The following MTFR1 variants were observed in gnomAD, a reference collection of about 807,000 sequenced individuals.
MTFR1 encodes chondrocyte protein with a poly-proline region.
Under a neutral mutation model 38.8 loss-of-function variants are expected in MTFR1, and 28 were observed. That is an observed-to-expected ratio of 0.72 (90% CI 0.53 to 0.99). MTFR1 has a LOEUF of 0.99. Ranked by LOEUF, MTFR1 falls within the 50% of genes least tolerant of loss-of-function variation. MTFR1 has a pLI of 0.00. For missense variants in MTFR1, 358 were observed against 395.5 expected (o/e 0.91, Z 0.81); for synonymous variants, 145 against 137.0 (o/e 1.06, Z -0.41).
At chr8:65,712,617 T>C (rs1353271821), downstream of MTFR1, among the ~76,000 whole-genome samples, 3 of 152,204 alleles carry the variant, frequency 2.0e-5, no homozygotes, top group Non-Finnish European at 2.9e-5. Flanking sequence ...AGACATGTTA[T>C]AGGTTAGGGA....
chr8:65,649,258 C>T (rs924394541), intron 1 of MTFR1, among the ~76,000 whole-genome samples: 1 of 151,862 alleles, frequency 6.6e-6, no homozygotes, highest in African/African-American at 2.4e-5. Flanking sequence ...GATCTCGGCT[C>T]ACTGCAACCT....
chr8:65,752,596 A>G (rs1438597970), intron 3 of MTFR1, among the ~76,000 whole-genome samples: 4 of 152,114 alleles, frequency 2.6e-5, no homozygotes, highest in Non-Finnish European at 4.4e-5. Context: ...TTTCTCTTTA[A>G]AGGCCAATTA....
Position 65,709,022 on chromosome 8 carries a change from T to A in MTFR1, c.980T>A (p.Ile327Asn), listed in dbSNP as rs1460885882. The change falls in exon 8 of 8, where the codon ATT becomes AAT. Residue 327 changes from isoleucine to asparagine, a missense_variant. By Grantham distance (149) the Ile-to-Asn change is moderately radical. Transcript: ENST00000262146. ...LKPTGKMKAL[I>N]ENVSDS is the part of the protein sequence containing the mutation. ...CCAACAGGAAAAATGAAGGCTTTAA[T>A]TGAAAATGTATCAGACTCCTAATAG... 2 of 1,613,914 alleles carry A rather than the reference T, an allele frequency of 1.2e-6. No homozygotes were observed. Among genetic ancestry groups the A allele is most frequent in the African/African-American group, 1.3e-5 (1 of 74,916 alleles).
At chr8:65,699,109 C>CG (rs1191695419) in intron 4 of MTFR1, among the ~76,000 whole-genome samples, 1 of 152,138 alleles carries the variant, frequency 6.6e-6, no homozygotes, top group Non-Finnish European at 1.5e-5. Context: ...TTTTCTGTTC[C>CG]TGTGTGAGTT....
In MTFR1 at chr8:65,745,564, T is replaced by C; in HGVS notation, c.*49-25383T>C. 1.3e-5 allele frequency: 9 copies of C among 699,818 alleles called. 1 individual carries two copies. In the South Asian group the frequency reaches 1.6e-4, roughly 12 times the overall value. 43.4% of individuals were successfully genotyped at this position (699,818 alleles called of 1,614,324 possible). ...TAGAGAAGTTAAAGAAAATGTAAAG[T>C]GATTGATTTACTTTAAAAAATACAA... On this transcript the variant is annotated intron_variant, in intron 3 of 3. Transcript: ENST00000521247.
chr8:65,776,930 A>G, the MTFR1 span, among the ~76,000 whole-genome samples: 2 of 152,236 alleles, frequency 1.3e-5, no homozygotes, highest in African/African-American at 4.8e-5. Flanking sequence ...TTGATTTCTC[A>G]TCGCAGAAAG....
chr8:65,683,633 C>T (rs1367342610), intron 3 of MTFR1, among the ~76,000 whole-genome samples: 2 of 152,162 alleles, frequency 1.3e-5, no homozygotes, highest in African/African-American at 4.8e-5. Flanking sequence ...TTTAGAAATT[C>T]AGAAGTGCCC....
intron 1 of MTFR1, among the ~76,000 whole-genome samples, chr8:65,646,077 A>G (rs776295396): frequency 9.2e-5 from 14 of 152,218 alleles, no homozygotes; most frequent in Non-Finnish European, 1.6e-4. Flanking sequence ...TTACCAGATA[A>G]TCTAGACAGT....
At chr8:65,710,719 A>C (rs1466700984), downstream of MTFR1, among the ~76,000 whole-genome samples, 1 of 152,124 alleles carries the variant, frequency 6.6e-6, no homozygotes, top group Non-Finnish European at 1.5e-5. Context: ...TCTCATATAA[A>C]GAGATCTCAG....
At chr8:65,721,978 CG>C (rs2129064362) in intron 3 of MTFR1, 1 of 152,068 alleles carries the variant, frequency 6.6e-6, no homozygotes, top group East Asian at 1.9e-4. Flanking sequence ...TTAGTAGAAA[CG>C]TGAGTTTCAC....
chr8:65,762,471 T>TA (rs1808548283), intron 3 of MTFR1, among the ~76,000 whole-genome samples: 1 of 152,146 alleles, frequency 6.6e-6, no homozygotes, highest in Non-Finnish European at 1.5e-5. Flanking sequence ...GCTTAGGAAT[T>TA]AGACACATCT....
At chr8:65,727,004 G>C in intron 3 of MTFR1, 3 of 1,175,236 alleles carry the variant, frequency 2.6e-6, no homozygotes, top group African/African-American at 3.0e-5. Context: ...TTAATGATAC[G>C]TCTCTTTCTG....
upstream of MTFR1, among the ~76,000 whole-genome samples, chr8:65,644,474 A>G (rs1018606676): frequency 2.0e-5 from 3 of 152,252 alleles, no homozygotes; most frequent in South Asian, 2.1e-4. Context: ...CCCCTAAAGC[A>G]TGAAGCTGAC....
chr8:65,752,229 C>T (rs1808003917), intron 3 of MTFR1, among the ~76,000 whole-genome samples: 2 of 152,100 alleles, frequency 1.3e-5, no homozygotes, highest in Admixed American at 1.3e-4. Context: ...CTTATCTCTA[C>T]TTTCATTTTA....
intron 3 of MTFR1, among the ~76,000 whole-genome samples, chr8:65,684,899 G>C (rs1585776277): frequency 6.6e-6 from 1 of 152,152 alleles, no homozygotes; most frequent in East Asian, 2.0e-4. Flanking sequence ...AGCTACTCAG[G>C]AGGCTGAGGC....
chr8:65,729,726 CTTTT>C (rs34749293), intron 3 of MTFR1, among the ~76,000 whole-genome samples: 1 of 140,734 alleles, frequency 7.1e-6, no homozygotes, highest in Non-Finnish European at 1.6e-5. Flanking sequence ...CCATGCCTGA[CTTTT>C]TTTTTTTTTT....
At chr8:65,747,097 A>G (rs1006576902) in intron 3 of MTFR1, among the ~76,000 whole-genome samples, 6 of 152,244 alleles carry the variant, frequency 3.9e-5, no homozygotes, top group Admixed American at 6.5e-5. Flanking sequence ...TAACTATGAT[A>G]CATCTAAACC....
chr8:65,750,526 G>A (rs559947286), intron 3 of MTFR1, among the ~76,000 whole-genome samples: 13 of 151,306 alleles, frequency 8.6e-5, no homozygotes, highest in Admixed American at 7.9e-4. Flanking sequence ...GTGTGTGTGT[G>A]AGACAGAGAG....
chr8:65,704,890 A>G lies in MTFR1; in HGVS notation c.478A>G (p.Lys160Glu). The part of the protein sequence containing the change: ...ELAALRAQIA[K>E]IVTQQEQQNL... ...TGCTGCTCTCAGAGCTCAGATTGCC[A>G]AAATTGTGACCCAGCAGGAGCAGCA... Residue 160 changes from lysine (K) to glutamate (E), a missense_variant, in exon 5 of 8, where the codon AAA becomes GAA. Transcript: ENST00000262146. The G allele has an allele frequency of 6.2e-7, 1 of 1,607,922 alleles. No individual in the cohort carries two copies. The highest frequency in any genetic ancestry group is 1.1e-5 in the South Asian group (1 of 90,294).
Sources: gnomAD v4.1 joint callset for allele counts (sites outside exome capture counted in the v4.1 genomes callset) on GRCh38, gnomAD v4.1.1 for gene constraint, MANE v1.5 for transcripts, NCBI Gene and HGNC (gene_info 2026-07-23, HGNC 2026-07-21) for gene names.